The following ANKH variants were observed in gnomAD, a reference collection of about 807,000 sequenced individuals.
ANKH encodes mineralization regulator ANKH.
Under a neutral mutation model 49.0 loss-of-function variants are expected in ANKH, and 15 were observed. The ratio of observed to expected loss-of-function variants is 0.31; its 90% confidence interval spans 0.20 to 0.47. ANKH has a LOEUF of 0.47. ANKH is among the 20% of genes least tolerant of loss of function. The pLI is 1.00. For missense variants in ANKH, 429 were observed against 652.0 expected, an observed-to-expected ratio of 0.66 and a Z score of 3.72; for synonymous variants, 273 against 260.0, an observed-to-expected ratio of 1.05 and a Z score of -0.48.
chr5:14,835,831 C>T (rs1380627400), intron 1 of ANKH, among the ~76,000 whole-genome samples: 4 of 152,156 alleles, frequency 2.6e-5, no homozygotes, highest in African/African-American at 9.7e-5. Flanking sequence ...GAATTTTAGA[C>T]CAATATCCCT....
intron 2 of ANKH, among the ~76,000 whole-genome samples, chr5:14,760,959 T>C (rs1410887352): frequency 1.3e-5 from 2 of 152,176 alleles, no homozygotes; most frequent in East Asian, 3.8e-4. Context: ...ACTGCAGATA[T>C]AACTGGTTAA....
intron 1 of ANKH, among the ~76,000 whole-genome samples, chr5:14,857,679 T>C (rs535717584): frequency 5.9e-5 from 9 of 152,068 alleles, no homozygotes; most frequent in African/African-American, 2.2e-4. Context: ...AAAAAAAAAC[T>C]TAATAGATCT....
At chr5:14,760,736 G>A (rs889825739) in intron 2 of ANKH, among the ~76,000 whole-genome samples, 2 of 152,222 alleles carry the variant, frequency 1.3e-5, no homozygotes, top group African/African-American at 2.4e-5. Context: ...CACAGGGCTG[G>A]CTAGGAATAG....
chr5:14,717,166 ACAGCT>A (rs1737500124), intron 8 of ANKH: 6 of 342,984 alleles, frequency 1.7e-5, no homozygotes, highest in Middle Eastern at 1.9e-3. Flanking sequence ...AGAGTGCCAA[ACAGCT>A]CAGCCAGTTC....
intron 1 of ANKH, among the ~76,000 whole-genome samples, chr5:14,849,145 G>C (rs182360304): frequency 2.0e-4 from 30 of 152,210 alleles, no homozygotes; most frequent in African/African-American, 7.2e-4. Flanking sequence ...TTTTCCCTTT[G>C]GACTTGCCTC....
rs61324917 is a variant in ANKH at position 14,802,150 on chromosome 5, T to C, written c.97-32959A>G. On this transcript the variant is annotated intron_variant, in intron 1 of 11. Transcript: ENST00000284268. Reference sequence around the variant, plus strand: ...TCAACTGCCCACCAGCTAGTGCTTGTTGGGTGGCTGGCAGGTGCTTCAATC... The same window carrying C: ...TCAACTGCCCACCAGCTAGTGCTTGCTGGGTGGCTGGCAGGTGCTTCAATC... Among the ~76,000 whole-genome samples, 355 of 152,260 alleles carry C rather than the reference T, an allele frequency of 2.3e-3. 9 individuals carry two copies. The East Asian group carries it at 0.045, about 19-fold the overall frequency.
chr5:14,844,999 T>A lies in ANKH; in HGVS notation c.96+26353A>T, dbSNP rs191303715. ...TATCATATTATCAACTTCTTCCTGC[T>A]CTTTTATTCCTGTTTACCTAAGCGT... is the stretch of plus-strand genomic sequence containing the variant. On this transcript the variant is annotated intron_variant, in intron 1 of 11. Transcript: ENST00000284268. Among the ~76,000 whole-genome samples, 271 of 151,650 alleles carry A rather than the reference T, an allele frequency of 1.8e-3. 1 individual carries two copies. Among genetic ancestry groups the A allele is most frequent in the Non-Finnish European group, 3.2e-3 (217 of 67,956 alleles).
At chr5:14,733,814 G>A (rs1355604619) in intron 8 of ANKH, among the ~76,000 whole-genome samples, 1 of 152,262 alleles carries the variant, frequency 6.6e-6, no homozygotes, top group Non-Finnish European at 1.5e-5. Context: ...GCTGGGCTCG[G>A]AAAGCCAAGA....
intron 1 of ANKH, among the ~76,000 whole-genome samples, chr5:14,829,094 G>C (rs1741429705): frequency 6.8e-6 from 1 of 148,028 alleles, no homozygotes; most frequent in African/African-American, 2.5e-5. Flanking sequence ...TGAGGCAGTA[G>C]AATCGCTTGA....
intron 1 of ANKH, among the ~76,000 whole-genome samples, chr5:14,783,010 G>A (rs1739857034): frequency 1.3e-5 from 2 of 152,108 alleles, no homozygotes; most frequent in Admixed American, 1.3e-4. Context: ...TCTCAGCTGT[G>A]GGGTTCATTT....
intron 4 of ANKH, among the ~76,000 whole-genome samples, chr5:14,754,408 A>T (rs1329325678): frequency 2.7e-5 from 4 of 150,930 alleles, no homozygotes; most frequent in Admixed American, 6.6e-5. Context: ...CGACTTGCTG[A>T]TGCCAGTGTT....
intron 1 of ANKH, among the ~76,000 whole-genome samples, chr5:14,859,552 G>A (rs923959): frequency 0.066 from 10,076 of 152,180 alleles, 564 homozygotes; most frequent in African/African-American, 0.16. Flanking sequence ...CTCAATATTA[G>A]GCTATATTTT....
chr5:14,802,789 C>T (rs1348946372), intron 1 of ANKH, among the ~76,000 whole-genome samples: 1 of 152,174 alleles, frequency 6.6e-6, no homozygotes, highest in Non-Finnish European at 1.5e-5. Flanking sequence ...TCTCTGATCC[C>T]TGGGCTGGGT....
At chr5:14,833,983 T>C (rs896400027) in intron 1 of ANKH, among the ~76,000 whole-genome samples, 1 of 152,164 alleles carries the variant, frequency 6.6e-6, no homozygotes, top group Non-Finnish European at 1.5e-5. Flanking sequence ...TACGTGGGGC[T>C]CGTGCTGACC....
chr5:14,748,366 C>G (rs1302949259), intron 6 of ANKH, among the ~76,000 whole-genome samples: 5 of 152,250 alleles, frequency 3.3e-5, no homozygotes, highest in African/African-American at 1.2e-4. Flanking sequence ...GACATGCTGA[C>G]AGCGCAGTAA....
rs111688928 is a variant in ANKH at position 14,745,915 on chromosome 5, G to A, written c.870C>T (p.Tyr290=). The A allele has an allele frequency of 2.5e-5, 40 of 1,614,072 alleles. No individual in the cohort carries two copies. Among genetic ancestry groups the A allele is most frequent in the South Asian group, 7.7e-5 (7 of 91,090 alleles). ...TATYPVGHMP[Y]GWLTEIRAVY... Reference sequence around the variant, plus strand: ...CAGCACGGATTTCCGTCAACCAGCCGTATGGCATGTGACCCACAGGGTATG... The same window carrying A: ...CAGCACGGATTTCCGTCAACCAGCCATATGGCATGTGACCCACAGGGTATG... The change falls in exon 7 of 12, where the codon TAC becomes TAT. Residue 290 remains tyrosine (Y), a synonymous_variant. Transcript: ENST00000284268. This position sits in a 1 kb window ranked among gnomAD's most constrained non-coding sequence, Gnocchi z 4.7.
At position 14,770,781 on chromosome 5, in the gene ANKH, A is replaced by G. The variant is rs1447119679; in HGVS notation, c.97-1590T>C. 6.6e-6 allele frequency among the ~76,000 whole-genome samples: 1 copy of G among 152,216 alleles called. No individual in the cohort carries two copies. The highest frequency in any genetic ancestry group is 2.4e-5 in the African/African-American group (1 of 41,474). ...TGGATAGGGGTGACTAGTGTAATGT[A>G]GTTTACATTAGGGCTTACTCTTGGT... On this transcript the variant is annotated intron_variant, in intron 1 of 11. Coordinates refer to ENST00000284268, the MANE Select transcript of ANKH (RefSeq NM_054027.6). This position sits in a 1 kb window ranked among gnomAD's most constrained non-coding sequence, Gnocchi z 4.1.
chr5:14,727,248 CAT>C (rs1737850658), intron 8 of ANKH, among the ~76,000 whole-genome samples: 1 of 152,006 alleles, frequency 6.6e-6, no homozygotes, highest in African/African-American at 2.4e-5. Flanking sequence ...TGTTGATAAT[CAT>C]AATAATTATT....
At chr5:14,750,945 G>GGGTA (rs1215946538) in intron 5 of ANKH, 124 bp downstream of exon 5, 2 of 1,203,162 alleles carry the variant, frequency 1.7e-6, no homozygotes, top group African/African-American at 3.0e-5. Context: ...CTTGGCCTCT[G>GGGTA]GGTATGACAT....
Sources: allele counts gnomAD v4.1 joint callset (sites outside exome capture counted in the v4.1 genomes callset), GRCh38; gene constraint gnomAD v4.1.1; non-coding constraint Gnocchi (gnomAD v3.1); transcripts MANE v1.5; gene names NCBI Gene and HGNC (gene_info 2026-07-23, HGNC 2026-07-21).